Variants in FRMD5 observed in about 807,000 individuals in gnomAD.
FRMD5 encodes FERM domain containing 5, also known as FERM domain-containing protein 5.
FRMD5 carries 20 observed loss-of-function variants against 69.0 expected under a neutral mutation model. That is an observed-to-expected ratio of 0.29 (90% CI 0.20 to 0.42). The LOEUF (loss-of-function observed/expected upper bound fraction) is 0.42. Ranked by LOEUF, FRMD5 falls within the 10% of genes least tolerant of loss-of-function variation. FRMD5 has a pLI of 1.00. For missense variants in FRMD5, 595 were observed against 708.6 expected, an observed-to-expected ratio of 0.84 and a Z score of 1.82; for synonymous variants, 271 against 260.1, an observed-to-expected ratio of 1.04 and a Z score of -0.40.
intron 1 of FRMD5, among the ~76,000 whole-genome samples, chr15:44,020,218 C>T (rs1891154639): frequency 6.6e-6 from 1 of 151,806 alleles, no homozygotes; most frequent in East Asian, 1.9e-4. Flanking sequence ...CTCACCATTT[C>T]ATAATATATC....
chr15:43,874,456 T>G lies in FRMD5; in HGVS notation c.1142A>C (p.Glu381Ala). Residue 381 changes from glutamate to alanine, a missense_variant, in exon 14 of 14, where the codon GAG (glutamate) becomes GCG (alanine). Physicochemically the swap from Glu to Ala is moderately radical, Grantham distance 107. Transcript: ENST00000417257. The stretch of plus-strand genomic sequence containing the variant: ...GGAATGGGCACTGTCCCGTAAGGAC[T>G]CTAGGCCTAGAAAGGCAAAAGGAAC... ...AVHISIMEGL[E>A]SLRDSAHSTP... The G allele has an allele frequency of 6.2e-7, 1 of 1,613,774 alleles. No individual in the cohort carries two copies. Among genetic ancestry groups the G allele is most frequent in the Non-Finnish European group, 8.5e-7 (1 of 1,179,648 alleles).
intron 1 of FRMD5, among the ~76,000 whole-genome samples, chr15:43,931,502 G>A (rs571155548): frequency 1.3e-5 from 2 of 151,992 alleles, no homozygotes; most frequent in African/African-American, 4.8e-5. Context: ...AACTTGTAAA[G>A]AAAATCTAGA....
At chr15:43,972,891 G>C (rs2090403636) in intron 1 of FRMD5, among the ~76,000 whole-genome samples, 1 of 152,186 alleles carries the variant, frequency 6.6e-6, no homozygotes, top group African/African-American at 2.4e-5. Context: ...CTACATGATT[G>C]CTTTTCAGAT....
At chr15:44,032,100 GAAA>G (rs1229126843) in intron 1 of FRMD5, among the ~76,000 whole-genome samples, 1 of 152,040 alleles carries the variant, frequency 6.6e-6, no homozygotes, top group Non-Finnish European at 1.5e-5. Flanking sequence ...AAGCAACGGG[GAAA>G]AAGACTCCCT....
intron 1 of FRMD5, among the ~76,000 whole-genome samples, chr15:44,183,909 G>A (rs1327736264): frequency 6.6e-6 from 1 of 151,602 alleles, no homozygotes; most frequent in Non-Finnish European, 1.5e-5. Flanking sequence ...TTGAACCCAG[G>A]ATGCGGAGGT....
chr15:44,011,485 G>C (rs1890720116), intron 1 of FRMD5, among the ~76,000 whole-genome samples: 2 of 152,324 alleles, frequency 1.3e-5, no homozygotes, highest in South Asian at 2.1e-4. Context: ...AGGTCGGACA[G>C]ATGATGTGTG....
chr15:44,099,145 G>C (rs2076599758), intron 1 of FRMD5, among the ~76,000 whole-genome samples: 1 of 152,160 alleles, frequency 6.6e-6, no homozygotes, highest in Admixed American at 6.6e-5. Context: ...GTTCTAGTAA[G>C]TTCACAGTCA....
chr15:43,897,835 G>A (rs1244108263), intron 7 of FRMD5, among the ~76,000 whole-genome samples: 3 of 152,102 alleles, frequency 2.0e-5, no homozygotes, highest in African/African-American at 4.8e-5. Flanking sequence ...ATTGGACCAT[G>A]GGGCAGTTTC....
At chr15:43,880,030 G>A (rs2088480799) in intron 13 of FRMD5, among the ~76,000 whole-genome samples, 1 of 152,182 alleles carries the variant, frequency 6.6e-6, no homozygotes, top group Non-Finnish European at 1.5e-5. Flanking sequence ...AGAGGGCAAG[G>A]GACAGAGGGG....
At chr15:44,003,634 G>C (rs1890310653) in intron 1 of FRMD5, among the ~76,000 whole-genome samples, 1 of 152,056 alleles carries the variant, frequency 6.6e-6, no homozygotes, top group Non-Finnish European at 1.5e-5. Context: ...TCCTCTGCCA[G>C]AAATGATTAT....
intron 1 of FRMD5, among the ~76,000 whole-genome samples, chr15:43,957,591 G>A (rs2090135016): frequency 6.6e-6 from 1 of 152,214 alleles, no homozygotes; most frequent in African/African-American, 2.4e-5. Context: ...TCTCTCCACT[G>A]TTCTGTATTA....
chr15:43,893,650 G>C (rs2088848054), intron 7 of FRMD5, among the ~76,000 whole-genome samples: 1 of 152,210 alleles, frequency 6.6e-6, no homozygotes, highest in African/African-American at 2.4e-5. Context: ...CCACAGCTCA[G>C]GTGGTGCCAT....
At chr15:44,027,484 C>T (rs1891478926) in intron 1 of FRMD5, among the ~76,000 whole-genome samples, 1 of 152,098 alleles carries the variant, frequency 6.6e-6, no homozygotes, top group African/African-American at 2.4e-5. Context: ...CACTACAGTG[C>T]AGTTTGGATT....
chr15:44,164,117 T>A (rs965292868), intron 1 of FRMD5, among the ~76,000 whole-genome samples: 2 of 152,170 alleles, frequency 1.3e-5, no homozygotes, highest in African/African-American at 4.8e-5. Flanking sequence ...TTTCTCACTG[T>A]CCTCCCCACC....
At chr15:44,164,748 G>A (rs969590202) in intron 1 of FRMD5, among the ~76,000 whole-genome samples, 2 of 152,150 alleles carry the variant, frequency 1.3e-5, no homozygotes, top group African/African-American at 4.8e-5. Context: ...CTCCTACCTT[G>A]GTCTTTGACA....
intron 1 of FRMD5, among the ~76,000 whole-genome samples, chr15:44,092,992 C>T (rs1482337108): frequency 2.3e-5 from 3 of 133,076 alleles, no homozygotes; most frequent in Non-Finnish European, 3.1e-5. Flanking sequence ...AGTGCAGTGG[C>T]ACAATCTCGG....
chr15:44,155,305 G>T (rs1228364469), intron 1 of FRMD5, among the ~76,000 whole-genome samples: 1 of 151,812 alleles, frequency 6.6e-6, no homozygotes, highest in East Asian at 2.0e-4. Context: ...GGTGGCACGT[G>T]CCTGTAGTCC....
rs1467917607 is a variant in FRMD5 at position 43,885,123 on chromosome 15, A to G, written c.960-328T>C. On this transcript the variant is annotated intron_variant, in intron 11 of 13. Transcript: ENST00000417257. ...ACCTTTAGACAGTGAGACATGAATCACTGTTATAGTTCTTATTTTGCTATT... is the reference window on the plus strand; with the variant it reads ...ACCTTTAGACAGTGAGACATGAATCGCTGTTATAGTTCTTATTTTGCTATT... 8 of 267,470 alleles carry G rather than the reference A, an allele frequency of 3.0e-5. No homozygotes were observed. The East Asian group carries it at 5.1e-4, about 17-fold the overall frequency. 16.6% of individuals were successfully genotyped at this position (267,470 alleles called of 1,614,324 possible). A position where few individuals can be genotyped will look rare whatever the true frequency, so the allele number is the denominator to read the frequency against.
chr15:44,057,843 G>T (rs766402177), intron 1 of FRMD5, among the ~76,000 whole-genome samples: 3 of 152,124 alleles, frequency 2.0e-5, no homozygotes, highest in Non-Finnish European at 4.4e-5. Context: ...ATGACTGCTG[G>T]GTCCCTTCCA....
Sources: gnomAD v4.1 joint callset for allele counts (sites outside exome capture counted in the v4.1 genomes callset) on GRCh38, gnomAD v4.1.1 for gene constraint, MANE v1.5 for transcripts, NCBI Gene and HGNC (gene_info 2026-07-23, HGNC 2026-07-21) for gene names.